PTPRK: variants seen among roughly 807,000 people sequenced by gnomAD.
PTPRK encodes the protein receptor-type tyrosine-protein phosphatase kappa.
Under a neutral mutation model 178.0 loss-of-function variants are expected in PTPRK, and 75 were observed. That is an observed-to-expected ratio of 0.42 (90% CI 0.35 to 0.51). PTPRK has a LOEUF of 0.51. Among genes scored for constraint, PTPRK ranks in the 20% least tolerant of loss-of-function variants. PTPRK has a pLI of 0.02. For synonymous variants in PTPRK, 637 were observed against 620.6 expected, an observed-to-expected ratio of 1.03 and a Z score of -0.39; for missense variants, 1,441 against 1,797.8, an observed-to-expected ratio of 0.80 and a Z score of 3.59.
At chr6:128,027,324 T>C (rs1202007247) in intron 13 of PTPRK, among the ~76,000 whole-genome samples, 3 of 152,208 alleles carry the variant, frequency 2.0e-5, no homozygotes, top group Non-Finnish European at 4.4e-5. Context: ...CGGGAATTCA[T>C]TAGTTCATTA....
In PTPRK at chr6:128,083,842, T is replaced by C; in HGVS notation, c.1466-18A>G. The C allele has an allele frequency of 7.0e-7, 1 of 1,436,750 alleles. No individual in the cohort carries two copies. The highest frequency in any genetic ancestry group is 1.4e-5 in the South Asian group (1 of 72,266). The allele number at this position is 1,436,750 out of a possible 1,614,324, so 89.0% of individuals were successfully genotyped here. ...ACCAGGCACTACAAAACACATGAAT[T>C]TTTTGTTATGAAAATGCTTACATTA... On this transcript the variant is annotated intron_variant, in intron 8 of 29. Coordinates refer to ENST00000368226, the MANE Select transcript of PTPRK (RefSeq NM_002844.4).
chr6:128,259,617 A>G (rs1026487583), intron 3 of PTPRK, among the ~76,000 whole-genome samples: 1 of 152,178 alleles, frequency 6.6e-6, no homozygotes, highest in Non-Finnish European at 1.5e-5. Context: ...TTCGTTACTT[A>G]CAGTAAGTTT....
intron 13 of PTPRK, among the ~76,000 whole-genome samples, chr6:128,041,530 T>C (rs919089716): frequency 4.6e-5 from 7 of 151,732 alleles, no homozygotes; most frequent in African/African-American, 1.7e-4. Context: ...TGGATAAATA[T>C]AGAAAAAAGA....
At chr6:128,435,142 C>A (rs868173189) in intron 1 of PTPRK, among the ~76,000 whole-genome samples, 1 of 144,604 alleles carries the variant, frequency 6.9e-6, no homozygotes, top group African/African-American at 2.8e-5. Flanking sequence ...GGCAGGCAGG[C>A]AGGCAGGCAG....
intron 2 of PTPRK, among the ~76,000 whole-genome samples, chr6:128,375,064 T>TATTATC (rs1243368095): frequency 1.2e-3 from 163 of 134,402 alleles, no homozygotes; most frequent in African/African-American, 4.7e-3. Flanking sequence ...ACTGCATTAT[T>TATTATC]ATTATTATTA....
intron 2 of PTPRK, among the ~76,000 whole-genome samples, chr6:128,372,935 T>C (rs559441783): frequency 6.6e-6 from 1 of 151,970 alleles, no homozygotes; most frequent in South Asian, 2.1e-4. Context: ...AGTATGTGTG[T>C]GTATATGTGA....
intron 1 of PTPRK, among the ~76,000 whole-genome samples, chr6:128,478,258 TAGAA>T (rs1851625942): frequency 6.6e-6 from 1 of 152,140 alleles, no homozygotes; most frequent in African/African-American, 2.4e-5. Context: ...TGTTTTCTGA[TAGAA>T]TACCAGCAAA....
intron 3 of PTPRK, among the ~76,000 whole-genome samples, chr6:128,285,231 G>A (rs1186207661): frequency 1.3e-5 from 2 of 152,174 alleles, no homozygotes; most frequent in African/African-American, 4.8e-5. Context: ...AATGTCATAG[G>A]AGGCCAGGCG....
intron 3 of PTPRK, among the ~76,000 whole-genome samples, chr6:128,263,059 C>T (rs1818418047): frequency 6.6e-6 from 1 of 151,982 alleles, no homozygotes; most frequent in African/African-American, 2.4e-5. Context: ...GCTTCCTTGC[C>T]TCCACAAAGG....
chr6:128,133,223 A>G (rs1190395930), intron 7 of PTPRK, among the ~76,000 whole-genome samples: 1 of 152,200 alleles, frequency 6.6e-6, no homozygotes, highest in Non-Finnish European at 1.5e-5. Context: ...AGACAAGATG[A>G]ATAGAATGAT....
intron 6 of PTPRK, among the ~76,000 whole-genome samples, chr6:128,207,139 T>C (rs141489338): frequency 2.0e-5 from 3 of 152,146 alleles, no homozygotes; most frequent in East Asian, 3.9e-4. Flanking sequence ...TTTCATCATC[T>C]GGTATTATTA....
chr6:128,238,897 C>T, intron 5 of PTPRK, among the ~76,000 whole-genome samples: 1 of 152,034 alleles, frequency 6.6e-6, no homozygotes, highest in Non-Finnish European at 1.5e-5. Flanking sequence ...TGAAGTACAC[C>T]TGTTGTAACC....
chr6:128,319,145 A>G (rs116530685), intron 3 of PTPRK, among the ~76,000 whole-genome samples: 15 of 152,316 alleles, frequency 9.8e-5, no homozygotes, highest in African/African-American at 3.6e-4. Context: ...AGTGGAAAGC[A>G]TCTAGGAATA....
chr6:128,026,135 G>A (rs1325043124), intron 13 of PTPRK, among the ~76,000 whole-genome samples: 1 of 152,090 alleles, frequency 6.6e-6, no homozygotes, highest in Non-Finnish European at 1.5e-5. Flanking sequence ...GATATTGAGT[G>A]GTATTGAACA....
rs1789976399 is a variant in PTPRK at position 128,107,855 on chromosome 6, G to A, written c.1163-17863C>T. Among the ~76,000 whole-genome samples the A allele has an allele frequency of 2.0e-5, 3 of 152,170 alleles. No individual in the cohort carries two copies. In the South Asian group the frequency reaches 6.2e-4, roughly 31 times the overall value. ...TATAATTGAGATGGCACCTCCTGATGAGCAAGACAGCAGTCCCCTACATGG... is the reference window on the plus strand; with the variant it reads ...TATAATTGAGATGGCACCTCCTGATAAGCAAGACAGCAGTCCCCTACATGG... On this transcript the variant is annotated intron_variant, in intron 7 of 29. Coordinates refer to ENST00000368226, the MANE Select transcript of PTPRK (RefSeq NM_002844.4).
chr6:128,409,333 C>G (rs1287740136), intron 1 of PTPRK: 1 of 454,750 alleles, frequency 2.2e-6, no homozygotes. Flanking sequence ...CAGGCCTTTT[C>G]TGAAGATAAA....
At chr6:128,514,372 G>T (rs1346353911) in intron 1 of PTPRK, among the ~76,000 whole-genome samples, 1 of 115,548 alleles carries the variant, frequency 8.7e-6, no homozygotes, top group Non-Finnish European at 1.7e-5. Context: ...TTGTTAAGAT[G>T]TGTGTGTGTG....
At chr6:128,430,205 A>C (rs1844653405) in intron 1 of PTPRK, among the ~76,000 whole-genome samples, 1 of 152,234 alleles carries the variant, frequency 6.6e-6, no homozygotes, top group African/African-American at 2.4e-5. Context: ...TCAAACTCTC[A>C]GGAAGCAGCT....
Position 127,993,950 on chromosome 6 carries a change from G to T in PTPRK, c.2845-1241C>A, listed in dbSNP as rs557510104. Among the ~76,000 whole-genome samples, 11 of 151,680 alleles carry T rather than the reference G, an allele frequency of 7.3e-5. No individual in the cohort carries two copies. In the South Asian group the frequency reaches 2.1e-3, roughly 29 times the overall value. ...TTTATAACAAGGCTCCAGTGTACAAGTCCTGGCAGAAAACCCAGGTTAAAC... is the reference window on the plus strand; with the variant it reads ...TTTATAACAAGGCTCCAGTGTACAATTCCTGGCAGAAAACCCAGGTTAAAC... On this transcript the variant is annotated intron_variant, in intron 18 of 29. Transcript: ENST00000368226.
Sources: gnomAD v4.1 joint callset for allele counts (sites outside exome capture counted in the v4.1 genomes callset) on GRCh38, gnomAD v4.1.1 for gene constraint, MANE v1.5 for transcripts, NCBI Gene and HGNC (gene_info 2026-07-23, HGNC 2026-07-21) for gene names.